IL1RAPL1: variants seen among roughly 807,000 people sequenced by gnomAD.
IL1RAPL1 encodes the protein interleukin-1 receptor accessory protein-like 1.
Under a neutral mutation model 48.4 loss-of-function variants are expected in IL1RAPL1, and 3 were observed. The ratio of observed to expected loss-of-function variants is 0.06; its 90% CI spans 0.03 to 0.16. The LOEUF (loss-of-function observed/expected upper bound fraction) is 0.16. IL1RAPL1 is among the 10% of genes least tolerant of loss of function. The pLI, the probability that IL1RAPL1 is intolerant of heterozygous loss-of-function variation, is 1.00. For missense variants in IL1RAPL1, 349 were observed against 530.6 expected, an observed-to-expected ratio of 0.66 and a Z score of 3.36; for synonymous variants, 185 against 187.7, an observed-to-expected ratio of 0.99 and a Z score of 0.12.
chrX:29,613,328 A>G (rs1000946547), intron 5 of IL1RAPL1, among the ~76,000 whole-genome samples: 7 of 111,502 alleles, frequency 6.3e-5, no homozygotes, highest in African/African-American at 2.3e-4. Flanking sequence ...TCACATTTCA[A>G]GTGTTCAACA....
At chrX:29,929,707 C>T (rs1351346856) in intron 8 of IL1RAPL1, among the ~76,000 whole-genome samples, 1 of 111,471 alleles carries the variant, frequency 9.0e-6, no homozygotes, top group East Asian at 2.8e-4. Flanking sequence ...GTGGAAGAGG[C>T]CATTTTCAAA....
At chrX:29,175,845 C>CAAA (rs58728418) in intron 2 of IL1RAPL1, among the ~76,000 whole-genome samples, 8 of 37,768 alleles carry the variant, frequency 2.1e-4, no homozygotes, top group Admixed American at 4.6e-4. Flanking sequence ...GACTCTGTCT[C>CAAA]AAAAAAAAAA....
At chrX:29,499,440 A>G (rs1333802423) in intron 5 of IL1RAPL1, among the ~76,000 whole-genome samples, 6 of 111,487 alleles carry the variant, frequency 5.4e-5, no homozygotes, top group African/African-American at 9.8e-5. Flanking sequence ...TGATTTTGTC[A>G]AATATAATGT....
At chrX:29,008,206 A>G (rs1401059737) in intron 2 of IL1RAPL1, among the ~76,000 whole-genome samples, 12 of 106,632 alleles carry the variant, frequency 1.1e-4, no homozygotes, top group East Asian at 8.9e-4. Context: ...GTCTCACTCT[A>G]TCGCCCAGGC....
intron 1 of IL1RAPL1, among the ~76,000 whole-genome samples, chrX:28,706,331 G>C (rs1254644011): frequency 8.9e-6 from 1 of 111,889 alleles, no homozygotes. Flanking sequence ...ATCTAGGTTT[G>C]CATAAGTACA....
At chrX:29,183,820 A>C (rs927613633) in intron 2 of IL1RAPL1, among the ~76,000 whole-genome samples, 5 of 111,923 alleles carry the variant, frequency 4.5e-5, no homozygotes, top group African/African-American at 1.6e-4. Context: ...CAGCCTCCCA[A>C]GTAGCTGGGA....
chrX:29,384,670 A>C (rs926749342), intron 3 of IL1RAPL1, among the ~76,000 whole-genome samples: 3 of 112,734 alleles, frequency 2.7e-5, no homozygotes, highest in African/African-American at 9.7e-5. Flanking sequence ...CATTCAACTC[A>C]TGCTAGTTCC....
At chrX:29,766,441 ATT>A (rs778252266) in intron 6 of IL1RAPL1, among the ~76,000 whole-genome samples, 23 of 92,407 alleles carry the variant, frequency 2.5e-4, no homozygotes, top group African/African-American at 8.9e-4. Context: ...ATATATATAT[ATT>A]TATATGTCCA....
chrX:29,088,236 CA>C (rs1443355855), intron 2 of IL1RAPL1, among the ~76,000 whole-genome samples: 1 of 111,727 alleles, frequency 9.0e-6, no homozygotes, highest in Non-Finnish European at 1.9e-5. Context: ...CATTACTGAA[CA>C]AAAAAATATT....
In IL1RAPL1 at chrX:28,594,492, T is replaced by A. The variant is rs774226090; in HGVS notation, c.-25+6445T>A. ...TAAAAACCTAATAGAATTATATGCA[T>A]TATAGGAGTAAGGGATGCCCCATTA... On this transcript the variant is annotated intron_variant, in intron 1 of 10. Coordinates refer to ENST00000378993, the MANE Select transcript of IL1RAPL1 (RefSeq NM_014271.4). Among the ~76,000 whole-genome samples the A allele has an allele frequency of 5.4e-5, 6 of 111,882 alleles. No homozygotes were observed. In the East Asian group the frequency reaches 1.4e-3, roughly 26 times the overall value.
intron 6 of IL1RAPL1, among the ~76,000 whole-genome samples, chrX:29,720,346 A>G (rs917650863): frequency 2.7e-5 from 3 of 112,165 alleles, no homozygotes; most frequent in African/African-American, 9.7e-5. Context: ...AAGACTTGGA[A>G]CCAACCCAAA....
At chrX:28,616,186 T>C (rs756911812) in intron 1 of IL1RAPL1, among the ~76,000 whole-genome samples, 1 of 112,394 alleles carries the variant, frequency 8.9e-6, no homozygotes, top group East Asian at 2.8e-4. Context: ...AGATTACATT[T>C]GTAGTTTTCC....
chrX:28,915,662 A>T (rs1414892461), intron 2 of IL1RAPL1, among the ~76,000 whole-genome samples: 1 of 110,992 alleles, frequency 9.0e-6, no homozygotes, highest in Non-Finnish European at 1.9e-5. Context: ...TGTTTTCCAG[A>T]GCCTGTTATT....
At chrX:29,197,795 G>A (rs1033642206) in intron 2 of IL1RAPL1, among the ~76,000 whole-genome samples, 9 of 103,173 alleles carry the variant, frequency 8.7e-5, no homozygotes, top group Non-Finnish European at 1.8e-4. Context: ...CGCAACCTCC[G>A]CCTCCCTGGT....
intron 8 of IL1RAPL1, among the ~76,000 whole-genome samples, chrX:29,935,112 G>A (rs1933010198): frequency 9.1e-6 from 1 of 110,094 alleles, no homozygotes; most frequent in Non-Finnish European, 1.9e-5. Context: ...GGATGTTTAT[G>A]TGTTTCTGGC....
intron 5 of IL1RAPL1, among the ~76,000 whole-genome samples, chrX:29,455,186 A>C (rs2147729756): frequency 8.9e-6 from 1 of 111,940 alleles, no homozygotes; most frequent in South Asian, 3.7e-4. Flanking sequence ...CCTATGTAAC[A>C]AACCTGCACG....
intron 5 of IL1RAPL1, among the ~76,000 whole-genome samples, chrX:29,435,060 G>A (rs1157101695): frequency 1.4e-4 from 15 of 110,907 alleles, no homozygotes; most frequent in Non-Finnish European, 7.6e-5. Flanking sequence ...TATACAATAG[G>A]TGATCTTTTG....
At chrX:29,011,703 G>A (rs1926125721) in intron 2 of IL1RAPL1, among the ~76,000 whole-genome samples, 2 of 112,115 alleles carry the variant, frequency 1.8e-5, no homozygotes, top group African/African-American at 6.5e-5. Flanking sequence ...TGATTGTAGC[G>A]ATGATTTCCT....
At chrX:29,819,616 T>G (rs1198455270) in intron 6 of IL1RAPL1, among the ~76,000 whole-genome samples, 1 of 110,502 alleles carries the variant, frequency 9.0e-6, no homozygotes, top group East Asian at 2.8e-4. Context: ...ATATTAAGAA[T>G]TCAGTATGTT....
Sources: gnomAD v4.1 joint callset for allele counts (sites outside exome capture counted in the v4.1 genomes callset) on GRCh38, gnomAD v4.1.1 for gene constraint, MANE v1.5 for transcripts, NCBI Gene and HGNC (gene_info 2026-07-23, HGNC 2026-07-21) for gene names.